The following HOXA9 variants were observed in gnomAD, a reference collection of about 807,000 sequenced individuals.
HOXA9 encodes the protein homeobox protein Hox-A9.
HOXA9 carries 18 observed loss-of-function variants against 19.0 expected under a neutral mutation model. The ratio of observed to expected loss-of-function variants is 0.95; its 90% CI spans 0.65 to 1.40. The LOEUF (loss-of-function observed/expected upper bound fraction) is 1.40, where lower values mean the gene tolerates loss of function less well. Among genes scored for constraint, HOXA9 ranks in the 40% most tolerant of loss-of-function variants. The pLI, the probability that HOXA9 is intolerant of heterozygous loss-of-function variation, is 0.00. For synonymous variants in HOXA9, 198 were observed against 161.1 expected, an observed-to-expected ratio of 1.23 and a Z score of -1.73; for missense variants, 443 against 372.2, an observed-to-expected ratio of 1.19 and a Z score of -1.57.
At chr7:27,164,759 C>A (rs1783281097) in intron 1 of HOXA9, 119 bp downstream of exon 1, 3 of 1,467,576 alleles carry the variant, frequency 2.0e-6, no homozygotes, top group South Asian at 1.4e-5. Context: ...TGGCTCCTGG[C>A]CCCAACTCGA....
rs1024906920 is a variant in HOXA9, at chr7:27,162,836, T to C, written c.*767A>G. ...ATACAATAGACAAGACAGGACTATA[T>C]AGATAATGGACAGACTTAAATGCCC... On this transcript the variant is annotated 3_prime_UTR_variant, in exon 2 of 2. Coordinates refer to ENST00000343483, the MANE Select transcript of HOXA9 (RefSeq NM_152739.4). 9 of 200,250 alleles carry C rather than the reference T, an allele frequency of 4.5e-5. No individual in the cohort carries two copies. Among genetic ancestry groups the C allele is most frequent in the African/African-American group, 2.1e-4 (9 of 43,444 alleles). The allele number at this position is 200,250 out of a possible 1,614,324, so 12.4% of individuals were successfully genotyped here.
Position 27,163,733 on chromosome 7 carries a change from T to C in HOXA9, c.689A>G (p.Tyr230Cys). 6.2e-7 allele frequency: 1 copy of C among 1,614,044 alleles called. No homozygotes were observed. The highest frequency in any genetic ancestry group is 8.5e-7 in the Non-Finnish European group (1 of 1,179,986). ...CTCGTACCTGCGGTCCCTGGTGAGG[T>C]ACATGTTGAACAGAAACTCTTTCTC... Reference protein sequence around the residue: ...ELEKEFLFNMYLTRDRRYEVA... With the variant: ...ELEKEFLFNMCLTRDRRYEVA... Residue 230 changes from tyrosine (Y) to cysteine (C), a missense_variant, in exon 2 of 2, where the codon TAC becomes TGC. Physicochemically the swap from Tyr to Cys is radical, Grantham distance 194. Transcript: ENST00000343483.
At chr7:27,164,520 T>A (rs1045775431) in intron 1 of HOXA9, among the ~76,000 whole-genome samples, 1 of 152,178 alleles carries the variant, frequency 6.6e-6, no homozygotes, top group Non-Finnish European at 1.5e-5. Flanking sequence ...GACAATCTAG[T>A]TGTACAAAAG....
chr7:27,165,477 C>T lies in HOXA9; in HGVS notation c.-20G>A. 6.5e-7 allele frequency: 1 copy of T among 1,548,974 alleles called. No individual in the cohort carries two copies. Among genetic ancestry groups the T allele is most frequent in the South Asian group, 1.2e-5 (1 of 83,362 alleles). On this transcript the variant is annotated 5_prime_UTR_variant, in exon 1 of 2. Transcript: ENST00000343483. ...GGCCATCACCGTGCCCAGCGCCTGG[C>T]CCGCCCGGCCCGACCCACGGAAATT... is the stretch of plus-strand genomic sequence containing the variant.
rs1783282015 is a variant in HOXA9 at position 27,164,802 on chromosome 7, G to A, written c.580+76C>T. 2.5e-5 allele frequency: 39 copies of A among 1,559,364 alleles called. No homozygotes were observed. In the South Asian group the frequency reaches 4.5e-4, roughly 18 times the overall value. The stretch of plus-strand genomic sequence containing the variant: ...CCAGCGAGGACGAAGGCAGGCTCGA[G>A]AGAAACCTGGCGGGCCAGCAGATCC... On this transcript the variant is annotated intron_variant, in intron 1 of 1. Coordinates refer to ENST00000343483, the MANE Select transcript of HOXA9 (RefSeq NM_152739.4).
At position 27,165,512 on chromosome 7, in the gene HOXA9, C is replaced by A. The variant is rs1783315938; in HGVS notation, c.-55G>T. 2 of 1,491,358 alleles carry A rather than the reference C, an allele frequency of 1.3e-6. No individual in the cohort carries two copies. The highest frequency in any genetic ancestry group is 1.8e-6 in the Non-Finnish European group (2 of 1,125,498). 92.4% of individuals were successfully genotyped at this position (1,491,358 alleles called of 1,614,324 possible). The stretch of plus-strand genomic sequence containing the variant: ...CCGACCCACGGAAATTATGAAACTG[C>A]AGATTTCATGTAACAACTTGGTGGC... On this transcript the variant is annotated 5_prime_UTR_variant, in exon 1 of 2. Transcript: ENST00000343483.
At chr7:27,164,420 C>T (rs374706205) in intron 1 of HOXA9, among the ~76,000 whole-genome samples, 1 of 152,236 alleles carries the variant, frequency 6.6e-6, no homozygotes, top group African/African-American at 2.4e-5. Flanking sequence ...GCAGGATTTA[C>T]GCCGCCACTG....
Position 27,165,148 on chromosome 7 carries a change from C to A in HOXA9, c.310G>T (p.Asp104Tyr), listed in dbSNP as rs777393633. The change falls in exon 1 of 2, where the codon GAC becomes TAC. Residue 104 changes from aspartate to tyrosine, a missense_variant. Asp to Tyr is a radical substitution (Grantham distance 160, BLOSUM62 -3). Transcript: ENST00000343483. Reference protein sequence around the residue: ...PQAPVAAAAPDGRYMRSWLEP... With the variant: ...PQAPVAAAAPYGRYMRSWLEP... ...AGCCAGGAGCGCATGTACCTGCCGT[C>A]CGGCGCCGCCGCCGCCACGGGCGCC... 4.4e-6 allele frequency: 7 copies of A among 1,597,602 alleles called. No homozygotes were observed. In the Admixed American group the frequency reaches 1.2e-4, roughly 28 times the overall value.
Position 27,163,854 on chromosome 7 carries a change from G to T in HOXA9, c.581-13C>A. ...GCTGCTGGGTTATCTGCGGGGAAGA[G>T]AAACACTGGGTTTAGGAGCAGAAGA... On this transcript the variant is annotated splice_polypyrimidine_tract_variant and intron_variant, in intron 1 of 1. Coordinates refer to ENST00000343483, the MANE Select transcript of HOXA9 (RefSeq NM_152739.4). 6.2e-7 allele frequency: 1 copy of T among 1,607,206 alleles called. No homozygotes were observed. Among genetic ancestry groups the T allele is most frequent in the East Asian group, 2.2e-5 (1 of 44,838 alleles).
In HOXA9 at chr7:27,162,999, A is replaced by G. The variant is rs941671668; in HGVS notation, c.*604T>C. 4.9e-6 allele frequency: 1 copy of G among 202,648 alleles called. No homozygotes were observed. The highest frequency in any genetic ancestry group is 6.0e-5 in the Admixed American group (1 of 16,716). The allele number at this position is 202,648 out of a possible 1,614,324, so 12.6% of individuals were successfully genotyped here. A position where few individuals can be genotyped will look rare whatever the true frequency, so the allele number is the denominator to read the frequency against. On this transcript the variant is annotated 3_prime_UTR_variant, in exon 2 of 2. Coordinates refer to ENST00000343483, the MANE Select transcript of HOXA9 (RefSeq NM_152739.4). ...CCTAGTTATACAGAAGACATATTCC[A>G]CTACAGAGCTATACTCTATGCAACT...
Position 27,163,509 on chromosome 7 carries a change from TG to T in HOXA9, c.*93del. ...TGTGCGGGGATGGTGGAGGCTAGGGTGGGGGTGAGAGAAGGGAGAAGGCGGA... is the reference window on the plus strand; with the variant it reads ...TGTGCGGGGATGGTGGAGGCTAGGGTGGGGTGAGAGAAGGGAGAAGGCGGA... On this transcript the variant is annotated 3_prime_UTR_variant, in exon 2 of 2. Transcript: ENST00000343483. 1.0e-6 allele frequency: 1 copy of T among 984,684 alleles called. No individual in the cohort carries two copies. 61.0% of individuals were successfully genotyped at this position (984,684 alleles called of 1,614,324 possible).
In HOXA9 at chr7:27,165,151, GCGC is replaced by G. The variant is rs777951245; in HGVS notation, c.304_306del (p.Ala102del). The G allele has an allele frequency of 1.9e-6, 3 of 1,598,084 alleles. No individual in the cohort carries two copies. The highest frequency in any genetic ancestry group is 8.5e-7 in the Non-Finnish European group (1 of 1,172,050). On this transcript the variant is annotated inframe_deletion, in exon 1 of 2. Coordinates refer to ENST00000343483, the MANE Select transcript of HOXA9 (RefSeq NM_152739.4). ...CAGGAGCGCATGTACCTGCCGTCCG[GCGC>G]CGCCGCCGCCACGGGCGCCTGGGGG...
At chr7:27,164,646 C>G (rs898308712) in intron 1 of HOXA9, among the ~76,000 whole-genome samples, 2 of 152,252 alleles carry the variant, frequency 1.3e-5, no homozygotes, top group African/African-American at 4.8e-5. Context: ...CGCCCCGCCC[C>G]CTCTCGCTGC....
chr7:27,164,887 T>A lies in HOXA9; in HGVS notation c.571A>T (p.Ile191Phe). ...GGGAGGAGACACTTACTGGGATCGA[T>A]GGGGGGCTTGTCTCCGCCGCTCTCA... is the stretch of plus-strand genomic sequence containing the variant. ...ENESGGDKPPIDPNNPAANWL... is the reference protein window; with the variant it reads ...ENESGGDKPPFDPNNPAANWL... The change falls in exon 1 of 2, where the codon ATC (isoleucine) becomes TTC (phenylalanine). Residue 191 changes from isoleucine (I) to phenylalanine (F), a missense_variant. Transcript: ENST00000343483. The A allele has an allele frequency of 6.2e-7, 1 of 1,613,830 alleles. No homozygotes were observed.
In HOXA9 at chr7:27,162,986, G is replaced by A. The variant is rs1174312358; in HGVS notation, c.*617C>T. ...CATAGGTTAACAGCCTAGTTATACA[G>A]AAGACATATTCCACTACAGAGCTAT... On this transcript the variant is annotated 3_prime_UTR_variant, in exon 2 of 2. Coordinates refer to ENST00000343483, the MANE Select transcript of HOXA9 (RefSeq NM_152739.4). 1 of 200,962 alleles carries A rather than the reference G, an allele frequency of 5.0e-6. No individual in the cohort carries two copies. Among genetic ancestry groups the A allele is most frequent in the African/African-American group, 2.3e-5 (1 of 43,422 alleles). 12.4% of individuals were successfully genotyped at this position (200,962 alleles called of 1,614,324 possible).
In HOXA9 at chr7:27,165,145, C is replaced by A. The variant is rs748261114; in HGVS notation, c.313G>T (p.Gly105Cys). Residue 105 changes from glycine (G) to cysteine (C), a missense_variant, in exon 1 of 2, where the codon GGC (glycine) becomes TGC (cysteine). Physicochemically the swap from Gly to Cys is radical, Grantham distance 159 (BLOSUM62 -3). Coordinates refer to ENST00000343483, the MANE Select transcript of HOXA9 (RefSeq NM_152739.4). ...TCCAGCCAGGAGCGCATGTACCTGC[C>A]GTCCGGCGCCGCCGCCGCCACGGGC... ...QAPVAAAAPD[G>C]RYMRSWLEPT... 7.5e-6 allele frequency: 12 copies of A among 1,598,328 alleles called. No individual in the cohort carries two copies. The South Asian group carries it at 1.3e-4, about 18-fold the overall frequency.
In HOXA9 at chr7:27,162,878, GAA is replaced by G. The variant is rs773251248; in HGVS notation, c.*723_*724del. On this transcript the variant is annotated 3_prime_UTR_variant, in exon 2 of 2. Transcript: ENST00000343483. Reference sequence around the variant, plus strand: ...TAAATGCCCGCATTTTTAAGGTGGAGAAAATGATGAATCTATGCATCCCCGAG... The same window carrying G: ...TAAATGCCCGCATTTTTAAGGTGGAGAATGATGAATCTATGCATCCCCGAG... 5.0e-6 allele frequency: 1 copy of G among 199,076 alleles called. No individual in the cohort carries two copies. Among genetic ancestry groups the G allele is most frequent in the Non-Finnish European group, 1.0e-5 (1 of 96,398 alleles). The allele number at this position is 199,076 out of a possible 1,614,324, so 12.3% of individuals were successfully genotyped here. A position where few individuals can be genotyped will look rare whatever the true frequency, so the allele number is the denominator to read the frequency against.
chr7:27,163,096 C>T lies in HOXA9; in HGVS notation c.*507G>A, dbSNP rs528404917. On this transcript the variant is annotated 3_prime_UTR_variant, in exon 2 of 2. Coordinates refer to ENST00000343483, the MANE Select transcript of HOXA9 (RefSeq NM_152739.4). Reference sequence around the variant, plus strand: ...TTCCACAATCACAATGGGTGCATCACCCAGTACACAGAAGTTTGAATCACA... The same window carrying T: ...TTCCACAATCACAATGGGTGCATCATCCAGTACACAGAAGTTTGAATCACA... 2 of 217,580 alleles carry T rather than the reference C, an allele frequency of 9.2e-6. No homozygotes were observed. Among genetic ancestry groups the T allele is most frequent in the East Asian group, 6.9e-5 (1 of 14,534 alleles). 13.5% of individuals were successfully genotyped at this position (217,580 alleles called of 1,614,324 possible).
rs763420906 is a variant in HOXA9, at chr7:27,163,677, G to T, written c.745C>A (p.Gln249Lys). The part of the protein sequence containing the change: ...VARLLNLTER[Q>K]VKIWFQNRRM... ...CGGTTCTGGAACCAGATCTTGACCT[G>T]CCTCTCGGTGAGGTTGAGCAGTCGA... The change falls in exon 2 of 2, where the codon CAG becomes AAG. Residue 249 changes from glutamine (Q) to lysine (K), a missense_variant. Transcript: ENST00000343483. The T allele has an allele frequency of 1.5e-5, 24 of 1,613,944 alleles. No individual in the cohort carries two copies. The highest frequency in any genetic ancestry group is 6.7e-5 in the East Asian group (3 of 44,876).
Sources: allele counts gnomAD v4.1 joint callset (sites outside exome capture counted in the v4.1 genomes callset), GRCh38; gene constraint gnomAD v4.1.1; transcripts MANE v1.5; gene names NCBI Gene and HGNC (gene_info 2026-07-23, HGNC 2026-07-21).